The following PRR14L variants were observed in gnomAD, a reference collection of about 807,000 sequenced individuals.
PRR14L encodes the protein proline rich 14 like.
In PRR14L, 80 loss-of-function variants were observed where a neutral mutation model predicts 155.0. That is an observed-to-expected ratio of 0.52 (90% CI 0.43 to 0.62). The LOEUF (loss-of-function observed/expected upper bound fraction) is 0.62, where lower values mean the gene tolerates loss of function less well. Ranked by LOEUF, PRR14L falls within the 20% of genes least tolerant of loss-of-function variation. The pLI, the probability that PRR14L is intolerant of heterozygous loss-of-function variation, is 0.00. For missense variants in PRR14L, 2,469 were observed against 2,548.0 expected, an observed-to-expected ratio of 0.97 and a Z score of 0.67; for synonymous variants, 883 against 916.0, an observed-to-expected ratio of 0.96 and a Z score of 0.65.
chr22:31,736,723 G>A (rs553252070), intron 2 of PRR14L, among the ~76,000 whole-genome samples: 20 of 152,148 alleles, frequency 1.3e-4, no homozygotes, highest in African/African-American at 4.8e-4. Flanking sequence ...TGCTACAATG[G>A]CAAAGCTGAG....
intron 1 of PRR14L, among the ~76,000 whole-genome samples, chr22:31,741,684 C>T (rs569835778): frequency 2.6e-5 from 4 of 151,910 alleles, no homozygotes; most frequent in Admixed American, 2.6e-4. Context: ...CCAACCTGGC[C>T]GATATGGTGA....
chr22:31,690,878 G>A (rs1214824779), intron 7 of PRR14L, among the ~76,000 whole-genome samples: 2 of 151,976 alleles, frequency 1.3e-5, no homozygotes, highest in African/African-American at 4.8e-5. Flanking sequence ...CTGATCTTGT[G>A]ATCTGCCCAC....
chr22:31,702,699 A>G (rs2074568690), intron 6 of PRR14L, among the ~76,000 whole-genome samples: 1 of 152,038 alleles, frequency 6.6e-6, no homozygotes, highest in South Asian at 2.1e-4. Flanking sequence ...TATTTTTAGT[A>G]GAGATGGGGT....
Position 31,713,932 on chromosome 22 carries a change from A to G in PRR14L, c.3907T>C (p.Cys1303Arg). ...GCTTTGCAAGCATTCTTTTCCACACAGGTACATACGCTGTCTCTGTCACTA... is the reference window on the plus strand; with the variant it reads ...GCTTTGCAAGCATTCTTTTCCACACGGGTACATACGCTGTCTCTGTCACTA... Reference protein sequence around the residue: ...NSSDRDSVCTCVEKNACKACH... With the variant: ...NSSDRDSVCTRVEKNACKACH... Residue 1303 changes from cysteine to arginine, a missense_variant, in exon 4 of 9, where the codon TGT becomes CGT. Cys to Arg is a radical substitution (Grantham distance 180, BLOSUM62 -3). Transcript: ENST00000327423. 2 of 1,551,858 alleles carry G rather than the reference A, an allele frequency of 1.3e-6. No individual in the cohort carries two copies. The highest frequency in any genetic ancestry group is 1.7e-6 in the Non-Finnish European group (2 of 1,147,030).
At chr22:31,748,839 T>C (rs1601522608) in intron 1 of PRR14L, among the ~76,000 whole-genome samples, 1 of 152,320 alleles carries the variant, frequency 6.6e-6, no homozygotes, top group East Asian at 1.9e-4. Flanking sequence ...GTCTTTTTTT[T>C]ACTGATTATT....
rs185731760 is a variant in PRR14L, at chr22:31,718,881, C to A, written c.548-1590G>T. ...ACGAGGTCAGGAGTTCAAGACTAGC[C>A]TGGCCAACATGACAAAAACCCATCT... On this transcript the variant is annotated intron_variant, in intron 3 of 8. Transcript: ENST00000327423. Among the ~76,000 whole-genome samples, 392 of 151,650 alleles carry A rather than the reference C, an allele frequency of 2.6e-3. 2 individuals carry two copies. Among genetic ancestry groups the A allele is most frequent in the African/African-American group, 8.2e-3 (337 of 41,278 alleles).
rs1271077091 is a variant in PRR14L, at chr22:31,713,375, A to G, written c.4464T>C (p.Leu1488=). 1.7e-5 allele frequency: 27 copies of G among 1,552,092 alleles called. No homozygotes were observed. In the East Asian group the frequency reaches 5.6e-4, roughly 32 times the overall value. ...CTTGTGCTTTCCGAGGGGCACCAAG[A>G]AGGCAAGGACTTGTGCATGACTCAG... is the stretch of plus-strand genomic sequence containing the variant. ...KDTESCTSPC[L]LGAPRKAQDP... is the part of the protein sequence containing the mutation. The change falls in exon 4 of 9, where the codon CTT becomes CTC. Residue 1488 remains leucine (L), a synonymous_variant. Transcript: ENST00000327423.
intron 1 of PRR14L, among the ~76,000 whole-genome samples, chr22:31,743,495 AT>A (rs2147878497): frequency 6.6e-6 from 1 of 152,320 alleles, no homozygotes; most frequent in East Asian, 1.9e-4. Flanking sequence ...TCTTAAAAAA[AT>A]GATTTCTTTT....
Position 31,713,278 on chromosome 22 carries a change from G to A in PRR14L, c.4561C>T (p.Gln1521Ter), listed in dbSNP as rs2074634032. ...AKKGVLPLKK[Q>*]PHRTCKKVSY... ...ACTTTCTTACAAGTTCGATGGGGCTGCTTCTTTAAGGGAAGAACTCCTTTC... is the reference window on the plus strand; with the variant it reads ...ACTTTCTTACAAGTTCGATGGGGCTACTTCTTTAAGGGAAGAACTCCTTTC... The change falls in exon 4 of 9, where the codon CAG becomes TAG. Residue 1521 changes from glutamine to a stop codon, truncating the protein, a stop_gained. Coordinates refer to ENST00000327423, the MANE Select transcript of PRR14L (RefSeq NM_173566.3). LOFTEE classifies it high-confidence loss of function. 1 of 1,552,104 alleles carries A rather than the reference G, an allele frequency of 6.4e-7. No individual in the cohort carries two copies. The highest frequency in any genetic ancestry group is 8.7e-7 in the Non-Finnish European group (1 of 1,147,122).
intron 1 of PRR14L, among the ~76,000 whole-genome samples, chr22:31,742,958 C>T (rs2074820206): frequency 2.0e-5 from 3 of 152,188 alleles, no homozygotes; most frequent in Non-Finnish European, 2.9e-5. Flanking sequence ...TGAAAGAAGC[C>T]AGTCACAGAG....
At chr22:31,749,857 C>T (rs2074862906) in intron 1 of PRR14L, 136 bp downstream of exon 1, 1 of 152,436 alleles carries the variant, frequency 6.6e-6, no homozygotes, top group Non-Finnish European at 1.5e-5. Flanking sequence ...CACAGGGCAG[C>T]CTTGGTTCCT....
In PRR14L at chr22:31,701,653, CACCTTTTGGGTCGAGG is replaced by C; in HGVS notation, c.6094_6107+2del. On this transcript the variant is annotated splice_donor_variant and coding_sequence_variant, in exon 7 of 9. Coordinates refer to ENST00000327423, the MANE Select transcript of PRR14L (RefSeq NM_173566.3). LOFTEE classifies it high-confidence loss of function. ...CCTAGCTTGTAACAGAGAAGGAGCT[CACCTTTTGGGTCGAGG>C]AAGGCCCATGGGGGTAAGATTAGGA... is the stretch of plus-strand genomic sequence containing the variant. 6.3e-7 allele frequency: 1 copy of C among 1,590,588 alleles called. No individual in the cohort carries two copies. The highest frequency in any genetic ancestry group is 8.6e-7 in the Non-Finnish European group (1 of 1,167,970).
chr22:31,681,678 C>T lies in PRR14L; in HGVS notation c.*3849G>A, dbSNP rs1016984925. The T allele has an allele frequency of 5.9e-5, 9 of 152,160 alleles. No individual in the cohort carries two copies. Among genetic ancestry groups the T allele is most frequent in the South Asian group, 2.1e-4 (1 of 4,832 alleles). The allele number at this position is 152,160 out of a possible 1,614,324, so 9.4% of individuals were successfully genotyped here. On this transcript the variant is annotated 3_prime_UTR_variant, in exon 9 of 9. Transcript: ENST00000327423. ...ACACTGCACTAGATGGCCAGCTCAA[C>T]GGGGACCCCCTTTCATCATCAAAAT... is the stretch of plus-strand genomic sequence containing the variant.
chr22:31,687,792 C>G (rs1195185074), intron 8 of PRR14L, among the ~76,000 whole-genome samples: 2 of 150,674 alleles, frequency 1.3e-5, no homozygotes, highest in Admixed American at 1.3e-4. Context: ...ACTTGTAATC[C>G]CAGCACTTTG....
chr22:31,731,735 G>A (rs2074751405), intron 2 of PRR14L, among the ~76,000 whole-genome samples: 1 of 151,864 alleles, frequency 6.6e-6, no homozygotes, highest in Admixed American at 6.6e-5. Context: ...AACACATATA[G>A]GCATTTTGTT....
chr22:31,726,253 C>T (rs367823785), intron 2 of PRR14L, among the ~76,000 whole-genome samples: 37 of 152,096 alleles, frequency 2.4e-4, no homozygotes, highest in East Asian at 1.8e-3. Flanking sequence ...GCCTCAGCCT[C>T]CCAAGCATCT....
chr22:31,742,430 C>G (rs1034339864), intron 1 of PRR14L, among the ~76,000 whole-genome samples: 3 of 151,290 alleles, frequency 2.0e-5, no homozygotes, highest in Admixed American at 2.0e-4. Flanking sequence ...TGCAGTGGTG[C>G]CATCTCAGCT....
At chr22:31,744,217 C>T (rs1388297978) in intron 1 of PRR14L, among the ~76,000 whole-genome samples, 4 of 151,434 alleles carry the variant, frequency 2.6e-5, no homozygotes, top group Non-Finnish European at 5.9e-5. Context: ...ACCACAATCT[C>T]CACCTCCCAG....
At position 31,715,227 on chromosome 22, in the gene PRR14L, T is replaced by G. The variant is rs1569498875; in HGVS notation, c.2612A>C (p.Lys871Thr). ...KETNGSLPGD[K>T]IRNKMVAGLL... ...GCCTGCTACCATTTTGTTTCTGATC[T>G]TATCTCCTGGAAGGCTGCCATTCGT... The change falls in exon 4 of 9, where the codon AAG becomes ACG. Residue 871 changes from lysine to threonine, a missense_variant. Transcript: ENST00000327423. 1.3e-6 allele frequency: 2 copies of G among 1,552,360 alleles called. No homozygotes were observed. The highest frequency in any genetic ancestry group is 1.7e-6 in the Non-Finnish European group (2 of 1,147,142).
Sources: gnomAD v4.1 joint callset for allele counts (sites outside exome capture counted in the v4.1 genomes callset) on GRCh38, gnomAD v4.1.1 for gene constraint, MANE v1.5 for transcripts, NCBI Gene and HGNC (gene_info 2026-07-23, HGNC 2026-07-21) for gene names.